The following DMD variants were observed in gnomAD, a reference collection of about 807,000 sequenced individuals.
The protein encoded by DMD is mutant dystrophin.
DMD carries 63 observed loss-of-function variants against 330.1 expected under a neutral mutation model. The observed-to-expected ratio is 0.19, with a 90% CI of 0.16 to 0.24. DMD has a LOEUF of 0.24. DMD is among the 10% of genes least tolerant of loss of function. DMD has a pLI of 1.00. For synonymous variants in DMD, 1,223 were observed against 959.8 expected (o/e 1.27, Z -5.07); for missense variants, 3,344 against 2,684.1 (o/e 1.25, Z -5.43).
At chrX:31,164,992 C>T (rs970694157) in intron 74 of DMD, among the ~76,000 whole-genome samples, 3 of 111,881 alleles carry the variant, frequency 2.7e-5, no homozygotes, top group African/African-American at 9.7e-5. Context: ...CATTCCTAAC[C>T]TCTTCAGATT....
At chrX:32,692,201 G>A (rs888592188) in intron 9 of DMD, among the ~76,000 whole-genome samples, 2 of 112,217 alleles carry the variant, frequency 1.8e-5, no homozygotes, top group Non-Finnish European at 3.8e-5. Context: ...TAAACGATAA[G>A]AGTGTAACTG....
intron 1 of DMD, among the ~76,000 whole-genome samples, chrX:33,119,871 C>T (rs1364510335): frequency 2.7e-5 from 3 of 111,563 alleles, no homozygotes; most frequent in Non-Finnish European, 3.8e-5. Context: ...TGTCCATTTT[C>T]TCTGCTGTTC....
At chrX:33,015,610 C>T (rs1569549662) in intron 2 of DMD, among the ~76,000 whole-genome samples, 2 of 110,041 alleles carry the variant, frequency 1.8e-5, no homozygotes, top group Non-Finnish European at 3.8e-5. Context: ...AACCAACCCC[C>T]GTGACACAAG....
At chrX:32,709,601 G>A (rs917241367) in intron 7 of DMD, among the ~76,000 whole-genome samples, 8 of 110,554 alleles carry the variant, frequency 7.2e-5, no homozygotes, top group African/African-American at 2.3e-4. Context: ...CTCAAATACC[G>A]AAGGCCATTT....
At chrX:32,765,838 AC>A (rs2072917126) in intron 7 of DMD, among the ~76,000 whole-genome samples, 1 of 111,971 alleles carries the variant, frequency 8.9e-6, no homozygotes, top group South Asian at 3.7e-4. Context: ...AAAGTTCTGT[AC>A]TTTTGGCCAC....
intron 64 of DMD, among the ~76,000 whole-genome samples, chrX:31,213,154 A>G (rs759946122): frequency 1.8e-5 from 2 of 112,550 alleles, no homozygotes; most frequent in East Asian, 5.6e-4. Context: ...AAGAAAGTCA[A>G]TGCACTTTGA....
At chrX:32,727,773 A>T (rs1434076146) in intron 7 of DMD, among the ~76,000 whole-genome samples, 1 of 111,022 alleles carries the variant, frequency 9.0e-6, no homozygotes, top group Non-Finnish European at 1.9e-5. Context: ...ACACATATAC[A>T]TATTAGCCTT....
chrX:31,254,120 G>A (rs2049682417), intron 63 of DMD, among the ~76,000 whole-genome samples: 1 of 112,051 alleles, frequency 8.9e-6, no homozygotes, highest in Non-Finnish European at 1.9e-5. Context: ...AGAACATACG[G>A]TGCATCTAGA....
chrX:32,262,054 C>T (rs1193589061), intron 43 of DMD, among the ~76,000 whole-genome samples: 1 of 111,803 alleles, frequency 8.9e-6, no homozygotes, highest in African/African-American at 3.3e-5. Context: ...GTAACTGCCT[C>T]AACTCCAGGG....
At chrX:31,585,583 T>G (rs1198986597) in intron 55 of DMD, among the ~76,000 whole-genome samples, 1 of 109,371 alleles carries the variant, frequency 9.1e-6, no homozygotes, top group East Asian at 2.9e-4. Context: ...TTATCCCTTT[T>G]GCTTGCTATG....
At chrX:32,111,522 T>G (rs1225661485) in intron 44 of DMD, among the ~76,000 whole-genome samples, 1 of 112,279 alleles carries the variant, frequency 8.9e-6, no homozygotes, top group Non-Finnish European at 1.9e-5. Context: ...GATAGCTGCA[T>G]AGACTAACTA....
At chrX:32,577,313 A>T (rs768194483) in intron 13 of DMD, among the ~76,000 whole-genome samples, 2 of 112,203 alleles carry the variant, frequency 1.8e-5, no homozygotes, top group East Asian at 5.6e-4. Flanking sequence ...TGGCCCCCAG[A>T]ATGGTGAGAA....
chrX:32,092,436 G>C (rs2096481366), intron 44 of DMD, among the ~76,000 whole-genome samples: 1 of 111,701 alleles, frequency 9.0e-6, no homozygotes, highest in Non-Finnish European at 1.9e-5. Context: ...AGCAGTAGAT[G>C]GAATTTTTAT....
At chrX:32,438,669 C>T (rs1435000479) in intron 28 of DMD, among the ~76,000 whole-genome samples, 1 of 111,700 alleles carries the variant, frequency 9.0e-6, no homozygotes, top group South Asian at 3.7e-4. Context: ...ACTCTAAAAC[C>T]AGAAGAGGTA....
intron 55 of DMD, among the ~76,000 whole-genome samples, chrX:31,552,120 T>C: frequency 8.9e-6 from 1 of 111,962 alleles, no homozygotes; most frequent in Non-Finnish European, 1.9e-5. Flanking sequence ...CAGGAACAAT[T>C]GCGCAAATGC....
At chrX:31,485,886 G>T (rs1197073614) in intron 57 of DMD, among the ~76,000 whole-genome samples, 6 of 112,273 alleles carry the variant, frequency 5.3e-5, no homozygotes, top group Non-Finnish European at 1.1e-4. Context: ...ACCCATATTT[G>T]TAAGCAGAAC....
chrX:31,135,561 C>G (rs191778616), intron 76 of DMD, among the ~76,000 whole-genome samples: 99 of 111,584 alleles, frequency 8.9e-4, no homozygotes, highest in African/African-American at 2.9e-3. Context: ...AGCAAAGAAA[C>G]CTATGGATGG....
intron 9 of DMD, among the ~76,000 whole-genome samples, chrX:32,656,284 C>T (rs1392582774): frequency 1.8e-5 from 2 of 111,955 alleles, no homozygotes; most frequent in Non-Finnish European, 3.8e-5. Context: ...GAGCTATCCT[C>T]AACCGTGACT....
At chrX:31,228,502 G>A (rs1190223688) in intron 63 of DMD, among the ~76,000 whole-genome samples, 1 of 111,553 alleles carries the variant, frequency 9.0e-6, no homozygotes, top group Non-Finnish European at 1.9e-5. Flanking sequence ...GAAGAGATAA[G>A]TCTCTGCCTT....
Sources: allele counts gnomAD v4.1 joint callset (sites outside exome capture counted in the v4.1 genomes callset), GRCh38; gene constraint gnomAD v4.1.1; transcripts MANE v1.5; gene names NCBI Gene and HGNC (gene_info 2026-07-23, HGNC 2026-07-21).